LAMA2: variants seen among roughly 807,000 people sequenced by gnomAD.
LAMA2 encodes laminin subunit alpha 2, also known as laminin subunit alpha-2.
In LAMA2, 269 loss-of-function variants were observed where a neutral mutation model predicts 364.8. The observed-to-expected ratio is 0.74, with a 90% CI of 0.67 to 0.82. LAMA2 has a LOEUF of 0.82. LAMA2 is among the 40% of genes least tolerant of loss of function. The probability of loss-of-function intolerance (pLI) is 0.00; values close to 1 mark genes in which losing one functional copy is unlikely to be tolerated. For missense variants in LAMA2, 3,807 were observed against 3,873.2 expected (o/e 0.98, Z 0.45); for synonymous variants, 1,379 against 1,370.6 (o/e 1.01, Z -0.14).
chr6:129,251,539 A>G (rs896342131), intron 13 of LAMA2, among the ~76,000 whole-genome samples: 4 of 152,236 alleles, frequency 2.6e-5, no homozygotes, highest in African/African-American at 7.2e-5. Context: ...TATGCTTCAT[A>G]ATGCATTTGG....
chr6:129,472,582 A>G (rs1394438602), intron 51 of LAMA2, among the ~76,000 whole-genome samples: 3 of 151,962 alleles, frequency 2.0e-5, no homozygotes, highest in Non-Finnish European at 4.4e-5. Context: ...CACATTAAAA[A>G]TACCTTGAGA....
chr6:129,262,425 A>T (rs1787198212), intron 15 of LAMA2, among the ~76,000 whole-genome samples: 1 of 152,078 alleles, frequency 6.6e-6, no homozygotes, highest in African/African-American at 2.4e-5. Flanking sequence ...AGTGTCCTGG[A>T]GTGGAGAAAT....
intron 12 of LAMA2, among the ~76,000 whole-genome samples, chr6:129,228,245 A>G (rs894795847): frequency 6.6e-6 from 1 of 152,146 alleles, no homozygotes; most frequent in Non-Finnish European, 1.5e-5. Flanking sequence ...TCCCTTGGCT[A>G]GGAAAGGGAA....
intron 7 of LAMA2, among the ~76,000 whole-genome samples, chr6:129,153,767 T>A (rs1778947640): frequency 6.6e-6 from 1 of 152,184 alleles, no homozygotes; most frequent in Non-Finnish European, 1.5e-5. Flanking sequence ...TTAGTTGTTA[T>A]TAGTATTAAA....
At chr6:129,010,611 T>C (rs150085662) in intron 1 of LAMA2, among the ~76,000 whole-genome samples, 34 of 152,352 alleles carry the variant, frequency 2.2e-4, no homozygotes, top group African/African-American at 8.2e-4. Flanking sequence ...CTTCCTGGTA[T>C]AGAATGGCAT....
chr6:129,251,030 GTCTCTCTCTTTCTCTCTCTCTC>G (rs1337556788), intron 13 of LAMA2, among the ~76,000 whole-genome samples: 115 of 67,536 alleles, frequency 1.7e-3, no homozygotes, highest in East Asian at 7.2e-3. Context: ...CTCTCTCTCT[GTCTCTCTCTTTCTCTCTCTCTC>G]TCTCTCTCTC....
At chr6:128,951,380 A>T (rs1374009214) in intron 1 of LAMA2, among the ~76,000 whole-genome samples, 1 of 152,208 alleles carries the variant, frequency 6.6e-6, no homozygotes, top group African/African-American at 2.4e-5. Context: ...GGAAGATATA[A>T]GGAGAGATAT....
chr6:129,188,088 G>A (rs775874663), intron 10 of LAMA2, among the ~76,000 whole-genome samples: 4 of 151,646 alleles, frequency 2.6e-5, no homozygotes, highest in Non-Finnish European at 5.9e-5. Context: ...CTATGTTCCC[G>A]TAATTATTTA....
At chr6:129,246,241 A>G (rs7773511) in intron 12 of LAMA2, among the ~76,000 whole-genome samples, 15,313 of 152,174 alleles carry the variant, frequency 0.1, 2,637 homozygotes, top group African/African-American at 0.35. Flanking sequence ...TCTTGCTTTT[A>G]ATTACAGTCT....
intron 37 of LAMA2, among the ~76,000 whole-genome samples, chr6:129,394,426 A>AT (rs909276478): frequency 1.3e-5 from 2 of 152,170 alleles, no homozygotes; most frequent in African/African-American, 2.4e-5. Context: ...GAAGAATTAC[A>AT]TTTTTTTAAT....
chr6:129,188,667 G>T (rs1781366422), intron 10 of LAMA2, among the ~76,000 whole-genome samples: 1 of 151,910 alleles, frequency 6.6e-6, no homozygotes, highest in South Asian at 2.1e-4. Context: ...TCTGAAATCT[G>T]CCTTAAAAAG....
chr6:129,299,733 G>A lies in LAMA2; in HGVS notation c.3038-1003G>A, dbSNP rs1441885428. 3.9e-5 allele frequency among the ~76,000 whole-genome samples: 6 copies of A among 151,996 alleles called. No homozygotes were observed. In the East Asian group the frequency reaches 7.7e-4, roughly 20 times the overall value. On this transcript the variant is annotated intron_variant, in intron 21 of 64. Transcript: ENST00000421865. ...ACTAACATTTATTTAGTGTTTACTC[G>A]GTGTAAAGTATTTTTCTAAACACCT... is the stretch of plus-strand genomic sequence containing the variant.
intron 18 of LAMA2, among the ~76,000 whole-genome samples, chr6:129,286,439 T>C (rs9492294): frequency 0.31 from 45,168 of 147,580 alleles, 7,731 homozygotes; most frequent in African/African-American, 0.46. Flanking sequence ...GTAAGTTGCA[T>C]TTTAAAACAT....
chr6:129,157,766 G>T (rs11757127), intron 8 of LAMA2: 1 of 1,360,634 alleles, frequency 7.3e-7, no homozygotes, highest in Non-Finnish European at 1.0e-6. Flanking sequence ...GCAATTGGTA[G>T]TCTTCCACGA....
At chr6:128,905,006 T>A (rs1182999818) in intron 1 of LAMA2, among the ~76,000 whole-genome samples, 1 of 152,212 alleles carries the variant, frequency 6.6e-6, no homozygotes, top group Admixed American at 6.5e-5. Flanking sequence ...ATATGTTAAA[T>A]GAAATAATTA....
intron 1 of LAMA2, among the ~76,000 whole-genome samples, chr6:128,911,419 C>G (rs1345875834): frequency 6.6e-6 from 1 of 152,164 alleles, no homozygotes; most frequent in African/African-American, 2.4e-5. Flanking sequence ...GCCCATCACC[C>G]CTTTCTTTGA....
At chr6:129,046,125 A>G (rs1452388912) in intron 1 of LAMA2, among the ~76,000 whole-genome samples, 1 of 152,220 alleles carries the variant, frequency 6.6e-6, no homozygotes, top group Non-Finnish European at 1.5e-5. Context: ...AATTCCCAGC[A>G]TGTCTCTTTG....
intron 1 of LAMA2, among the ~76,000 whole-genome samples, chr6:128,908,243 C>A (rs550722207): frequency 2.0e-5 from 3 of 150,748 alleles, no homozygotes; most frequent in Non-Finnish European, 3.0e-5. Context: ...TGGTAGAATT[C>A]GGCTGTGAAT....
intron 4 of LAMA2, among the ~76,000 whole-genome samples, chr6:129,102,485 A>G (rs142952863): frequency 0.017 from 2,524 of 152,032 alleles, 64 homozygotes; most frequent in African/African-American, 0.058. Flanking sequence ...GAAATTTTAT[A>G]TTTATAGTAA....
Sources: allele counts gnomAD v4.1 joint callset (sites outside exome capture counted in the v4.1 genomes callset), GRCh38; gene constraint gnomAD v4.1.1; transcripts MANE v1.5; gene names NCBI Gene and HGNC (gene_info 2026-07-23, HGNC 2026-07-21).